The following FAM114A2 variants were observed in gnomAD, a reference collection of about 807,000 sequenced individuals.
FAM114A2 encodes the protein protein FAM114A2.
A neutral mutation model predicts 58.4 loss-of-function variants in FAM114A2; 53 were observed. The observed-to-expected ratio is 0.91, with a 90% CI of 0.73 to 1.14. The LOEUF (loss-of-function observed/expected upper bound fraction) is 1.14, where lower values mean the gene tolerates loss of function less well. Ranked by LOEUF, FAM114A2 falls within the 50% of genes most tolerant of loss-of-function variation. FAM114A2 has a pLI of 0.00. For missense variants in FAM114A2, 601 were observed against 581.1 expected (o/e 1.03, Z -0.35); for synonymous variants, 228 against 211.4 (o/e 1.08, Z -0.68).
chr5:154,023,394 T>C (rs1033761956), intron 8 of FAM114A2, among the ~76,000 whole-genome samples: 4 of 151,698 alleles, frequency 2.6e-5, no homozygotes, highest in African/African-American at 9.7e-5. Context: ...AATCAACGAG[T>C]AGATAAAGAA....
At chr5:154,020,158 A>T (rs1160273316) in intron 8 of FAM114A2, among the ~76,000 whole-genome samples, 1 of 152,060 alleles carries the variant, frequency 6.6e-6, no homozygotes, top group Non-Finnish European at 1.5e-5. Context: ...TGTGTAGAAC[A>T]CTGCATTTAT....
intron 8 of FAM114A2, among the ~76,000 whole-genome samples, chr5:154,025,768 C>T (rs1432038914): frequency 6.6e-6 from 1 of 152,084 alleles, no homozygotes; most frequent in African/African-American, 2.4e-5. Context: ...AATAAAACAA[C>T]CCTTAGAACT....
At chr5:154,003,561 T>A (rs1770150921) in intron 9 of FAM114A2, among the ~76,000 whole-genome samples, 1 of 152,178 alleles carries the variant, frequency 6.6e-6, no homozygotes, top group African/African-American at 2.4e-5. Context: ...AATGTTTTTA[T>A]GTGTATATGC....
intron 1 of FAM114A2, chr5:154,036,742 T>C (rs1318278226): frequency 2.0e-5 from 3 of 152,198 alleles, no homozygotes; most frequent in Non-Finnish European, 4.4e-5. Flanking sequence ...CCTAGAGTAG[T>C]GGTCACAAAC....
At chr5:154,035,026 T>C (rs1772459023) in intron 1 of FAM114A2, 59 bp from the exon 2 acceptor site, 2 of 1,026,556 alleles carry the variant, frequency 1.9e-6, no homozygotes, top group African/African-American at 1.6e-5. Context: ...AAAGTATTTG[T>C]TTAAACTTTT....
At position 153,992,964 on chromosome 5, in the gene FAM114A2, C is replaced by T. The variant is rs776486256; in HGVS notation, c.*12G>A. 8.7e-6 allele frequency: 14 copies of T among 1,607,716 alleles called. No homozygotes were observed. Among genetic ancestry groups the T allele is most frequent in the Non-Finnish European group, 1.1e-5 (13 of 1,176,402 alleles). ...GGCCGTCACAAGTCCCAGGTCAAAA[C>T]GTCTCCATTCTTCAATGTTCTAACA... On this transcript the variant is annotated 3_prime_UTR_variant, in exon 14 of 14. Transcript: ENST00000351797.
chr5:154,006,192 T>A (rs543253880), intron 9 of FAM114A2, among the ~76,000 whole-genome samples: 20 of 152,304 alleles, frequency 1.3e-4, no homozygotes, highest in African/African-American at 4.6e-4. Context: ...GATACTGGCA[T>A]TTTACTCATT....
chr5:154,038,304 G>A (rs1240180632), intron 1 of FAM114A2: 1 of 152,146 alleles, frequency 6.6e-6, no homozygotes, highest in Non-Finnish European at 1.5e-5. Context: ...AAAATGAAGA[G>A]CAGTACAGCT....
chr5:154,013,690 C>T (rs1162478029), intron 8 of FAM114A2, among the ~76,000 whole-genome samples: 1 of 152,158 alleles, frequency 6.6e-6, no homozygotes, highest in East Asian at 1.9e-4. Flanking sequence ...CTGTTAATGG[C>T]ACTACAAACA....
chr5:154,030,120 CAT>C (rs1248452555), intron 4 of FAM114A2, among the ~76,000 whole-genome samples: 1 of 152,082 alleles, frequency 6.6e-6, no homozygotes, highest in African/African-American at 2.4e-5. Flanking sequence ...CTGATCAAAA[CAT>C]GTAAAACTGT....
At chr5:153,994,050 A>C (rs1029484226) in intron 13 of FAM114A2, among the ~76,000 whole-genome samples, 1 of 152,086 alleles carries the variant, frequency 6.6e-6, no homozygotes, top group Admixed American at 6.5e-5. Context: ...CTACTGCACC[A>C]CTCTGCCATT....
At chr5:154,027,069 C>CT in intron 7 of FAM114A2, 107 bp downstream of exon 7, 1 of 928,642 alleles carries the variant, frequency 1.1e-6, no homozygotes, top group Non-Finnish European at 1.6e-6. Context: ...TCTCAAGCCT[C>CT]TAACAAAACA....
At chr5:154,036,366 CCAAGA>C (rs1772557293) in intron 1 of FAM114A2, 1 of 152,090 alleles carries the variant, frequency 6.6e-6, no homozygotes, top group Non-Finnish European at 1.5e-5. Flanking sequence ...GCAATTAAAG[CCAAGA>C]TACTATTGGT....
chr5:154,023,219 G>A (rs756538451), intron 8 of FAM114A2, among the ~76,000 whole-genome samples: 11 of 152,034 alleles, frequency 7.2e-5, no homozygotes, highest in South Asian at 4.1e-4. Context: ...AAACCAACAC[G>A]GCACATGTAT....
At chr5:153,994,109 T>C (rs1424342239) in intron 13 of FAM114A2, among the ~76,000 whole-genome samples, 1 of 152,210 alleles carries the variant, frequency 6.6e-6, no homozygotes, top group Non-Finnish European at 1.5e-5. Flanking sequence ...ATGATCAAAA[T>C]AGTTTCCCTG....
chr5:154,028,302 C>T lies in FAM114A2; in HGVS notation c.496-19G>A. On this transcript the variant is annotated intron_variant, in intron 5 of 13. Transcript: ENST00000351797. ...TCTTTCCCTAGAAAATACATGCAAC[C>T]TCATTACAACAATATTAAGAAAACA... 1 of 1,513,438 alleles carries T rather than the reference C, an allele frequency of 6.6e-7. No individual in the cohort carries two copies. The highest frequency in any genetic ancestry group is 9.0e-7 in the Non-Finnish European group (1 of 1,108,504). The allele number at this position is 1,513,438 out of a possible 1,614,324, so 93.8% of individuals were successfully genotyped here.
At chr5:154,000,182 A>G (rs908891273) in intron 11 of FAM114A2, among the ~76,000 whole-genome samples, 1 of 152,194 alleles carries the variant, frequency 6.6e-6, no homozygotes, top group Non-Finnish European at 1.5e-5. Flanking sequence ...CAATTGTGAT[A>G]CCAGAAATGG....
At chr5:154,000,885 C>T (rs972379123) in intron 11 of FAM114A2, among the ~76,000 whole-genome samples, 1 of 152,148 alleles carries the variant, frequency 6.6e-6, no homozygotes, top group Non-Finnish European at 1.5e-5. Context: ...AATTAATTCT[C>T]AGTTCTTAAT....
At chr5:154,019,792 C>G (rs1420358075) in intron 8 of FAM114A2, among the ~76,000 whole-genome samples, 1 of 152,064 alleles carries the variant, frequency 6.6e-6, no homozygotes, top group African/African-American at 2.4e-5. Flanking sequence ...AAAGGACACC[C>G]TATTAAACAA....
Sources: gnomAD v4.1 joint callset for allele counts (sites outside exome capture counted in the v4.1 genomes callset) on GRCh38, gnomAD v4.1.1 for gene constraint, MANE v1.5 for transcripts, NCBI Gene and HGNC (gene_info 2026-07-23, HGNC 2026-07-21) for gene names.